PIEZO2: variants seen among roughly 807,000 people sequenced by gnomAD.
The protein encoded by PIEZO2 is piezo type mechanosensitive ion channel component 2, also known as piezo-type mechanosensitive ion channel component 2.
A neutral mutation model predicts 337.3 loss-of-function variants in PIEZO2; 172 were observed. The ratio of observed to expected loss-of-function variants is 0.51; its 90% CI spans 0.45 to 0.58. The LOEUF is 0.58. Ranked by LOEUF, PIEZO2 falls within the 20% of genes least tolerant of loss-of-function variation. The probability of loss-of-function intolerance (pLI) is 0.00; values close to 1 mark genes in which losing one functional copy is unlikely to be tolerated. For missense variants in PIEZO2, 3,028 were observed against 3,391.3 expected, an observed-to-expected ratio of 0.89 and a Z score of 2.66; for synonymous variants, 1,251 against 1,228.5, an observed-to-expected ratio of 1.02 and a Z score of -0.38.
At chr18:10,985,503 G>A (rs2034836981) in intron 2 of PIEZO2, among the ~76,000 whole-genome samples, 1 of 151,994 alleles carries the variant, frequency 6.6e-6, no homozygotes. Flanking sequence ...ATACATGTAT[G>A]GGTTAATTTC....
chr18:11,091,788 T>C (rs2146044454), intron 1 of PIEZO2, among the ~76,000 whole-genome samples: 1 of 152,336 alleles, frequency 6.6e-6, no homozygotes, highest in Admixed American at 6.5e-5. Flanking sequence ...GGTTTGTTCA[T>C]TGCCAACTCA....
In PIEZO2 at chr18:10,773,987, G is replaced by A; in HGVS notation, c.2567+19C>T. On this transcript the variant is annotated intron_variant, in intron 19 of 55. Transcript: ENST00000674853. The surrounding 1 kb of genome is among the most constrained non-coding windows in gnomAD (Gnocchi z 5.3). ...CATCATGTAGAGCAAGCATTTCATG[G>A]CTTCACAGGGGGACTTACTCATTTT... 3 of 703,040 alleles carry A rather than the reference G, an allele frequency of 4.3e-6. No individual in the cohort carries two copies. The highest frequency in any genetic ancestry group is 7.8e-6 in the Non-Finnish European group (3 of 384,996). The allele number at this position is 703,040 out of a possible 1,614,324, so 43.6% of individuals were successfully genotyped here.
chr18:10,922,571 CGAG>C (rs1440764415), intron 3 of PIEZO2, among the ~76,000 whole-genome samples: 4 of 151,876 alleles, frequency 2.6e-5, no homozygotes, highest in Non-Finnish European at 5.9e-5. Context: ...AGTAGCTGAG[CGAG>C]GAGAAGACCC....
chr18:10,895,810 G>A lies in PIEZO2; in HGVS notation c.329+15376C>T, dbSNP rs2042884020. 6.6e-6 allele frequency among the ~76,000 whole-genome samples: 1 copy of A among 152,158 alleles called. No individual in the cohort carries two copies. The highest frequency in any genetic ancestry group is 6.5e-5 in the Admixed American group (1 of 15,276). The stretch of plus-strand genomic sequence containing the variant: ...GGGCAGGCTCACGCCTGTAATCCCA[G>A]CACTTTGGGAGGCTGAGGTGGGCAG... On this transcript the variant is annotated intron_variant, in intron 4 of 55. Transcript: ENST00000674853. The surrounding 1 kb of genome is among the most constrained non-coding windows in gnomAD (Gnocchi z 4.8).
chr18:11,032,920 G>A lies in PIEZO2; in HGVS notation c.160+33207C>T, dbSNP rs1320732391. On this transcript the variant is annotated intron_variant, in intron 2 of 55. Coordinates refer to ENST00000674853, the MANE Select transcript of PIEZO2 (RefSeq NM_001378183.1). The surrounding 1 kb of genome is among the most constrained non-coding windows in gnomAD (Gnocchi z 4.9). ...AGAAGACAGAGAGGAGAACATTGCT[G>A]AGGCCCTTCTAGCCATGGATAGCAC... 6.6e-6 allele frequency among the ~76,000 whole-genome samples: 1 copy of A among 152,152 alleles called. No homozygotes were observed. The highest frequency in any genetic ancestry group is 1.5e-5 in the Non-Finnish European group (1 of 68,038).
Position 10,870,209 on chromosome 18 carries a change from T to C in PIEZO2, c.492+1044A>G, listed in dbSNP as rs745500918. The stretch of plus-strand genomic sequence containing the variant: ...TCATTTCTAGTTTGCATAGGTTTAT[T>C]GAATTCTATCCCTCCTTTATTGTTT... On this transcript the variant is annotated intron_variant, in intron 5 of 55. Coordinates refer to ENST00000674853, the MANE Select transcript of PIEZO2 (RefSeq NM_001378183.1). This position sits in a 1 kb window ranked among gnomAD's most constrained non-coding sequence, Gnocchi z 5.3. Among the ~76,000 whole-genome samples, 1 of 152,176 alleles carries C rather than the reference T, an allele frequency of 6.6e-6. No homozygotes were observed. Among genetic ancestry groups the C allele is most frequent in the Non-Finnish European group, 1.5e-5 (1 of 68,018 alleles).
rs1243522517 is a variant in PIEZO2 at position 11,110,267 on chromosome 18, G to C, written c.64+38258C>G. On this transcript the variant is annotated intron_variant, in intron 1 of 55. Coordinates refer to ENST00000674853, the MANE Select transcript of PIEZO2 (RefSeq NM_001378183.1). This position sits in a 1 kb window ranked among gnomAD's most constrained non-coding sequence, Gnocchi z 4.2. ...CAAAGTGCTGGGACTACAGGTGCAA[G>C]CCTCCTCATTTTTCTAATAAACATA... 6.6e-6 allele frequency among the ~76,000 whole-genome samples: 1 copy of C among 152,178 alleles called. No individual in the cohort carries two copies. The highest frequency in any genetic ancestry group is 2.1e-4 in the South Asian group (1 of 4,832).
intron 3 of PIEZO2, among the ~76,000 whole-genome samples, chr18:10,914,583 T>G (rs1279605833): frequency 1.3e-5 from 2 of 152,216 alleles, no homozygotes; most frequent in Non-Finnish European, 2.9e-5. Flanking sequence ...TTGTTGTATT[T>G]TTTTCAAATA....
intron 3 of PIEZO2, among the ~76,000 whole-genome samples, chr18:10,960,937 G>A (rs534109300): frequency 1.3e-5 from 2 of 152,256 alleles, no homozygotes; most frequent in South Asian, 4.2e-4. Context: ...CCAGCACTTT[G>A]GGAGGCTGAG....
In PIEZO2 at chr18:10,675,300, G is replaced by C. The variant is rs1567935427; in HGVS notation, c.8082-12C>G. The C allele has an allele frequency of 1.4e-6, 2 of 1,402,326 alleles. No homozygotes were observed. The highest frequency in any genetic ancestry group is 5.1e-5 in the East Asian group (2 of 39,150). 86.9% of individuals were successfully genotyped at this position (1,402,326 alleles called of 1,614,324 possible). On this transcript the variant is annotated splice_polypyrimidine_tract_variant and intron_variant, in intron 53 of 55. Coordinates refer to ENST00000674853, the MANE Select transcript of PIEZO2 (RefSeq NM_001378183.1). ...TCTTTTCTATGGTCCTGTACATTAAGAAAAAAAAGATACAATTACGTTTTA... is the reference window on the plus strand; with the variant it reads ...TCTTTTCTATGGTCCTGTACATTAACAAAAAAAAGATACAATTACGTTTTA...
chr18:10,836,628 T>C (rs188750966), intron 7 of PIEZO2, among the ~76,000 whole-genome samples: 7 of 152,372 alleles, frequency 4.6e-5, no homozygotes, highest in Admixed American at 4.6e-4. Context: ...GGCCATGTCC[T>C]ATAATAGTTG....
Position 11,002,257 on chromosome 18 carries a change from A to G in PIEZO2, c.161-22597T>C, listed in dbSNP as rs1166063493. On this transcript the variant is annotated intron_variant, in intron 2 of 55. Transcript: ENST00000674853. This position sits in a 1 kb window ranked among gnomAD's most constrained non-coding sequence, Gnocchi z 4.3. ...ATTTACATTCGCTCCTAGGTCATACAAAATACAGCAGTGAGTAGAGGCTGG... is the reference window on the plus strand; with the variant it reads ...ATTTACATTCGCTCCTAGGTCATACGAAATACAGCAGTGAGTAGAGGCTGG... 6.6e-6 allele frequency among the ~76,000 whole-genome samples: 1 copy of G among 152,216 alleles called. No homozygotes were observed. The highest frequency in any genetic ancestry group is 1.5e-5 in the Non-Finnish European group (1 of 68,044).
chr18:10,730,729 C>CTATT (rs1235672394), intron 36 of PIEZO2, among the ~76,000 whole-genome samples: 1 of 151,966 alleles, frequency 6.6e-6, no homozygotes, highest in African/African-American at 2.4e-5. Context: ...TTCTTATTGG[C>CTATT]TATTTATTTA....
rs2039137218 is a variant in PIEZO2 at position 11,092,855 on chromosome 18, A to G, written c.65-26633T>C. ...AGGGCCACATATCTGTCCAGGGAGCAATCGCCAGCTCTCACATCTCTTGCT... is the reference window on the plus strand; with the variant it reads ...AGGGCCACATATCTGTCCAGGGAGCGATCGCCAGCTCTCACATCTCTTGCT... On this transcript the variant is annotated intron_variant, in intron 1 of 55. Transcript: ENST00000674853. This position sits in a 1 kb window ranked among gnomAD's most constrained non-coding sequence, Gnocchi z 4.5. Among the ~76,000 whole-genome samples, 1 of 152,214 alleles carries G rather than the reference A, an allele frequency of 6.6e-6. No individual in the cohort carries two copies. The highest frequency in any genetic ancestry group is 2.1e-4 in the South Asian group (1 of 4,836).
chr18:11,084,511 C>T (rs1478817346), intron 1 of PIEZO2, among the ~76,000 whole-genome samples: 4 of 152,136 alleles, frequency 2.6e-5, no homozygotes, highest in Non-Finnish European at 4.4e-5. Context: ...CTCCAGCCCT[C>T]GCCATGGAGG....
rs2038665691 is a variant in PIEZO2, at chr18:10,773,250, TG to T, written c.2785+161del. Among the ~76,000 whole-genome samples, 1 of 152,242 alleles carries T rather than the reference TG, an allele frequency of 6.6e-6. No homozygotes were observed. Among genetic ancestry groups the T allele is most frequent in the South Asian group, 2.1e-4 (1 of 4,832 alleles). On this transcript the variant is annotated intron_variant, in intron 20 of 55. Transcript: ENST00000674853. The surrounding 1 kb of genome is among the most constrained non-coding windows in gnomAD (Gnocchi z 5.3). ...ATTAAAAAGAAATTGTTGGAGCAAT[TG>T]GAACAGTAATATTATAACTATAGCA... is the stretch of plus-strand genomic sequence containing the variant.
chr18:10,811,979 GC>G (rs1481221957), intron 7 of PIEZO2, among the ~76,000 whole-genome samples: 1 of 152,084 alleles, frequency 6.6e-6, no homozygotes, highest in Non-Finnish European at 1.5e-5. Flanking sequence ...GATTACAGGC[GC>G]CCGCCACCAC....
chr18:10,739,110 T>C (rs1315370307), intron 33 of PIEZO2: 4 of 152,200 alleles, frequency 2.6e-5, no homozygotes, highest in Non-Finnish European at 4.4e-5. Flanking sequence ...TAAAGATAAA[T>C]TCTGGAACTC....
chr18:11,117,386 G>A (rs1295281017), intron 1 of PIEZO2, among the ~76,000 whole-genome samples: 3 of 152,180 alleles, frequency 2.0e-5, no homozygotes, highest in Non-Finnish European at 4.4e-5. Context: ...ACTAGCGGAT[G>A]AGCACACATT....
Sources: allele counts gnomAD v4.1 joint callset (sites outside exome capture counted in the v4.1 genomes callset), GRCh38; gene constraint gnomAD v4.1.1; non-coding constraint Gnocchi (gnomAD v3.1); transcripts MANE v1.5; gene names NCBI Gene and HGNC (gene_info 2026-07-23, HGNC 2026-07-21).